ERGIC3: variants seen among roughly 807,000 people sequenced by gnomAD.
ERGIC3 encodes the protein ERGIC and golgi 3.
In ERGIC3, 33 loss-of-function variants were observed where a neutral mutation model predicts 54.7. That is an observed-to-expected ratio of 0.60 (90% CI 0.46 to 0.81). The LOEUF (loss-of-function observed/expected upper bound fraction) is 0.81, where lower values mean the gene tolerates loss of function less well. ERGIC3 is among the 30% of genes least tolerant of loss of function. The pLI is 0.00. For missense variants in ERGIC3, 399 were observed against 488.4 expected, an observed-to-expected ratio of 0.82 and a Z score of 1.73; for synonymous variants, 186 against 189.8, an observed-to-expected ratio of 0.98 and a Z score of 0.16.
chr20:35,554,418 C>G (rs763380930), intron 7 of ERGIC3: 4 of 1,613,772 alleles, frequency 2.5e-6, no homozygotes, highest in Non-Finnish European at 3.4e-6. Context: ...GAGGCCAAAC[C>G]CCTACTTCTG....
At position 35,542,612 on chromosome 20, in the gene ERGIC3, A is replaced by G; in HGVS notation, c.247+12A>G. 6.2e-7 allele frequency: 1 copy of G among 1,613,850 alleles called. No homozygotes were observed. On this transcript the variant is annotated intron_variant, in intron 3 of 12. Transcript: ENST00000348547. ...CATGCCTTGTGCCTGTGAGTACCTC[A>G]CCATGGGTGGGACTGGAGAGACCCA...
intron 4 of ERGIC3, chr20:35,544,454 C>T: frequency 3.2e-6 from 1 of 317,342 alleles, no homozygotes; most frequent in Non-Finnish European, 6.4e-6. Context: ...CATCAGCTTT[C>T]CTCATGATGG....
At chr20:35,551,503 G>T (rs898647616) in intron 7 of ERGIC3, among the ~76,000 whole-genome samples, 1 of 152,184 alleles carries the variant, frequency 6.6e-6, no homozygotes, top group African/African-American at 2.4e-5. Context: ...CTTGCCTGGA[G>T]ATGCAGATGT....
At chr20:35,551,324 C>T (rs2064680770) in intron 7 of ERGIC3, among the ~76,000 whole-genome samples, 1 of 151,430 alleles carries the variant, frequency 6.6e-6, no homozygotes, top group South Asian at 2.1e-4. Context: ...ATAGAGTTGC[C>T]ATTTAGCAAG....
rs147196831 is a variant in ERGIC3, at chr20:35,549,976, C to T, written c.685+1111C>T. ...TCAACTTGCAATGGGTTTATTGGGA[C>T]GTAACCCCAGTGTAGGTCAGGGAGC... On this transcript the variant is annotated intron_variant, in intron 7 of 12. Transcript: ENST00000348547. 1.3e-3 allele frequency among the ~76,000 whole-genome samples: 204 copies of T among 152,058 alleles called. 1 individual carries two copies. The highest frequency in any genetic ancestry group is 4.7e-3 in the African/African-American group (193 of 41,468).
In ERGIC3 at chr20:35,555,025, C is replaced by T. The variant is rs774847346; in HGVS notation, c.686-19C>T. The T allele has an allele frequency of 6.2e-7, 1 of 1,613,420 alleles. No individual in the cohort carries two copies. Among genetic ancestry groups the T allele is most frequent in the East Asian group, 2.2e-5 (1 of 44,838 alleles). On this transcript the variant is annotated intron_variant, in intron 7 of 12. Coordinates refer to ENST00000348547, the MANE Select transcript of ERGIC3 (RefSeq NM_015966.3). Reference sequence around the variant, plus strand: ...CTACTAATGACGCCTTCTCCCTTGCCTTCTCCCTTCTCTCCTAGTCCATGA... The same window carrying T: ...CTACTAATGACGCCTTCTCCCTTGCTTTCTCCCTTCTCTCCTAGTCCATGA...
chr20:35,543,154 T>C, intron 4 of ERGIC3: 2 of 536,066 alleles, frequency 3.7e-6, no homozygotes, highest in Non-Finnish European at 6.6e-6. Context: ...CTGGCTATTA[T>C]TCTCAGAGGT....
chr20:35,542,390 G>A lies in ERGIC3; in HGVS notation c.156G>A (p.Thr52=). The change falls in exon 2 of 13, where the codon ACG becomes ACA. Residue 52 remains threonine, a synonymous_variant. Coordinates refer to ENST00000348547, the MANE Select transcript of ERGIC3 (RefSeq NM_015966.3). ...FLSELQYYLT[T]EVHPELYVDK... ...CCGAGCTGCAGTATTACCTCACCACGGAGGTAAGGGGCGGGGCTTAGTGCG... is the reference window on the plus strand; with the variant it reads ...CCGAGCTGCAGTATTACCTCACCACAGAGGTAAGGGGCGGGGCTTAGTGCG... The A allele has an allele frequency of 6.2e-7, 1 of 1,613,846 alleles. No individual in the cohort carries two copies. The highest frequency in any genetic ancestry group is 8.5e-7 in the Non-Finnish European group (1 of 1,179,956).
intron 7 of ERGIC3, chr20:35,554,245 C>G (rs2064699041): frequency 7.9e-7 from 1 of 1,269,870 alleles, no homozygotes; most frequent in Non-Finnish European, 1.2e-6. Context: ...GGCTTGTTAG[C>G]TGGGGCCAGA....
At chr20:35,556,177 C>G (rs2064710485) in intron 9 of ERGIC3, 30 bp from the exon 10 acceptor site, 3 of 1,614,104 alleles carry the variant, frequency 1.9e-6, no homozygotes, top group Non-Finnish European at 2.5e-6. Flanking sequence ...CGGCCGGGCA[C>G]CCATACCCAG....
chr20:35,547,653 A>G, intron 5 of ERGIC3, 148 bp downstream of exon 5: 1 of 682,338 alleles, frequency 1.5e-6, no homozygotes, highest in East Asian at 2.8e-5. Context: ...TCCTGGTGCA[A>G]GCGACTGAGG....
chr20:35,553,637 A>G (rs1357799664), intron 7 of ERGIC3, among the ~76,000 whole-genome samples: 1 of 150,426 alleles, frequency 6.6e-6, no homozygotes, highest in Non-Finnish European at 1.5e-5. Context: ...CTTCAGGGCA[A>G]TCTGTGGGGG....
At chr20:35,545,012 A>T (rs1009352781) in intron 4 of ERGIC3, 1 of 151,850 alleles carries the variant, frequency 6.6e-6, no homozygotes, top group Non-Finnish European at 1.5e-5. Context: ...CATCGTGGCC[A>T]GGCTGGTCTC....
intron 3 of ERGIC3, 98 bp from the exon 4 acceptor site, chr20:35,542,724 T>G: frequency 6.2e-7 from 1 of 1,607,594 alleles, no homozygotes; most frequent in South Asian, 1.1e-5. Context: ...CTCATCCCGT[T>G]CTGCCCCAAG....
intron 7 of ERGIC3, among the ~76,000 whole-genome samples, chr20:35,553,787 C>T (rs1409299315): frequency 6.6e-6 from 1 of 152,140 alleles, no homozygotes. Flanking sequence ...AAGCTGTTGG[C>T]ACAAGGTCTG....
chr20:35,546,995 A>G (rs1169318305), intron 4 of ERGIC3, among the ~76,000 whole-genome samples: 2 of 152,198 alleles, frequency 1.3e-5, no homozygotes, highest in African/African-American at 2.4e-5. Context: ...GAGAAGCACC[A>G]TGGCAAGAGG....
chr20:35,553,940 G>A (rs533336273), intron 7 of ERGIC3, among the ~76,000 whole-genome samples: 83 of 152,352 alleles, frequency 5.4e-4, no homozygotes, highest in African/African-American at 1.9e-3. Flanking sequence ...CAGAGATCTG[G>A]CTGAATTGAG....
chr20:35,556,431 A>G lies in ERGIC3; in HGVS notation c.879+160A>G, dbSNP rs2064712976. On this transcript the variant is annotated intron_variant, in intron 10 of 12. Coordinates refer to ENST00000348547, the MANE Select transcript of ERGIC3 (RefSeq NM_015966.3). ...GGGTGGGGGATTTGCCCTCCCAGGC[A>G]GAGTGCAGGCCTGGGGCTGTTAGAT... 1.2e-5 allele frequency: 9 copies of G among 748,494 alleles called. No homozygotes were observed. The South Asian group carries it at 1.4e-4, about 12-fold the overall frequency. 46.4% of individuals were successfully genotyped at this position (748,494 alleles called of 1,614,324 possible).
At chr20:35,549,382 T>C (rs1478362472) in intron 7 of ERGIC3, 1 of 375,186 alleles carries the variant, frequency 2.7e-6, no homozygotes, top group Non-Finnish European at 5.4e-6. Context: ...TAGTACCCAC[T>C]CACAGGGCTG....
Sources: gnomAD v4.1 joint callset for allele counts (sites outside exome capture counted in the v4.1 genomes callset) on GRCh38, gnomAD v4.1.1 for gene constraint, MANE v1.5 for transcripts, NCBI Gene and HGNC (gene_info 2026-07-23, HGNC 2026-07-21) for gene names.